Variants in ZFHX3 observed in about 807,000 individuals in gnomAD.
The protein encoded by ZFHX3 is zinc finger homeobox protein 3.
Under a neutral mutation model 279.1 loss-of-function variants are expected in ZFHX3, and 42 were observed. The ratio of observed to expected loss-of-function variants is 0.15; its 90% CI spans 0.12 to 0.19. The LOEUF (loss-of-function observed/expected upper bound fraction) is 0.19, where lower values mean the gene tolerates loss of function less well. Among genes scored for constraint, ZFHX3 ranks in the 10% least tolerant of loss-of-function variants. The probability of loss-of-function intolerance (pLI) is 1.00; values close to 1 mark genes in which losing one functional copy is unlikely to be tolerated. For missense variants in ZFHX3, 4,981 were observed against 4,754.0 expected (o/e 1.05, Z -1.40); for synonymous variants, 2,293 against 1,957.8 (o/e 1.17, Z -4.52).
At chr16:73,704,959 G>T (rs2142220367) in intron 1 of ZFHX3, among the ~76,000 whole-genome samples, 1 of 152,276 alleles carries the variant, frequency 6.6e-6, no homozygotes. Flanking sequence ...TGTAGCATTT[G>T]CCAATGACCA....
intron 4 of ZFHX3, among the ~76,000 whole-genome samples, chr16:73,298,493 TGTC>T (rs2014976675): frequency 6.7e-6 from 1 of 150,320 alleles, no homozygotes; most frequent in Non-Finnish European, 1.5e-5. Context: ...CTATTTATGT[TGTC>T]GTCGTTTTTT....
chr16:73,706,991 G>C (rs1288016229), intron 1 of ZFHX3, among the ~76,000 whole-genome samples: 1 of 152,106 alleles, frequency 6.6e-6, no homozygotes, highest in Non-Finnish European at 1.5e-5. Flanking sequence ...TCAATGTTTT[G>C]TGTTTTTAAA....
chr16:73,875,361 G>A (rs955719023), intron 1 of ZFHX3, among the ~76,000 whole-genome samples: 2 of 152,130 alleles, frequency 1.3e-5, no homozygotes, highest in Non-Finnish European at 2.9e-5. Context: ...CACGTAAGGT[G>A]CAAACACAGT....
chr16:73,453,127 G>A (rs1567488698), intron 3 of ZFHX3, among the ~76,000 whole-genome samples: 1 of 143,302 alleles, frequency 7.0e-6, no homozygotes, highest in Non-Finnish European at 1.5e-5. Context: ...GTTACTTATC[G>A]CTGTAACTGG....
rs907332248 is a variant in ZFHX3, at chr16:73,186,805, A to C, written c.-1103-42974T>G. ...CAAGCCTTTATTATGTAGGTATTAA[A>C]TTTGACCTCAGAGGTCATCACTCTT... is the stretch of plus-strand genomic sequence containing the variant. On this transcript the variant is annotated intron_variant, in intron 5 of 17. Coordinates refer to the ZFHX3 transcript ENST00000641206. Among the ~76,000 whole-genome samples the C allele has an allele frequency of 5.9e-5, 9 of 152,310 alleles. No homozygotes were observed. The East Asian group carries it at 1.5e-3, about 26-fold the overall frequency.
At chr16:73,879,393 T>C (rs563452516) in intron 1 of ZFHX3, among the ~76,000 whole-genome samples, 115 of 152,130 alleles carry the variant, frequency 7.6e-4, no homozygotes, top group African/African-American at 2.5e-3. Context: ...AGGTCCCTTT[T>C]AAGAATAAGA....
At chr16:73,375,363 T>C (rs2016704839) in intron 3 of ZFHX3, among the ~76,000 whole-genome samples, 1 of 152,184 alleles carries the variant, frequency 6.6e-6, no homozygotes, top group African/African-American at 2.4e-5. Context: ...TATGTTTCCT[T>C]CCTGAGATTT....
chr16:73,590,673 T>A (rs1265927252), intron 2 of ZFHX3, among the ~76,000 whole-genome samples: 1 of 152,240 alleles, frequency 6.6e-6, no homozygotes, highest in Non-Finnish European at 1.5e-5. Flanking sequence ...CATACAAATT[T>A]TACCTGTAAC....
intron 1 of ZFHX3, among the ~76,000 whole-genome samples, chr16:73,787,814 A>T (rs1016003605): frequency 7.2e-6 from 1 of 137,972 alleles, no homozygotes; most frequent in Non-Finnish European, 1.5e-5. Context: ...GTTTTCTTAA[A>T]GTGTGTGTGT....
intron 4 of ZFHX3, among the ~76,000 whole-genome samples, chr16:73,293,079 C>T (rs2143104850): frequency 6.6e-6 from 1 of 152,258 alleles, no homozygotes; most frequent in African/African-American, 2.4e-5. Flanking sequence ...GTAGAACCAC[C>T]TTCAAACCCG....
chr16:73,706,045 C>T (rs558427259), intron 1 of ZFHX3, among the ~76,000 whole-genome samples: 2 of 152,296 alleles, frequency 1.3e-5, no homozygotes, highest in Admixed American at 6.5e-5. Context: ...TGACTCACAC[C>T]TGTAATCCCA....
chr16:73,097,352 G>A (rs1966178485), intron 7 of ZFHX3, among the ~76,000 whole-genome samples: 1 of 151,120 alleles, frequency 6.6e-6, no homozygotes, highest in Non-Finnish European at 1.5e-5. Flanking sequence ...ACAGGCATGA[G>A]CTGCTGAGCC....
rs181524439 is a variant in ZFHX3, at chr16:73,719,228, G to A, written c.-1607-38988C>T. Among the ~76,000 whole-genome samples, 9 of 152,272 alleles carry A rather than the reference G, an allele frequency of 5.9e-5. No individual in the cohort carries two copies. In the East Asian group the frequency reaches 1.7e-3, roughly 29 times the overall value. ...GCACTTATCATCTATCCCACCCAGA[G>A]GAAGGTGAACCATAGTAAGAATCTA... On this transcript the variant is annotated intron_variant, in intron 1 of 17. Coordinates refer to the ZFHX3 transcript ENST00000641206.
At chr16:73,888,409 A>T (rs2030420580) in intron 1 of ZFHX3, among the ~76,000 whole-genome samples, 1 of 152,238 alleles carries the variant, frequency 6.6e-6, no homozygotes, top group African/African-American at 2.4e-5. Context: ...ATGAGAGACA[A>T]AGATGATTTG....
At chr16:73,697,696 CTTTA>C (rs2053210412) in intron 1 of ZFHX3, among the ~76,000 whole-genome samples, 1 of 152,048 alleles carries the variant, frequency 6.6e-6, no homozygotes, top group South Asian at 2.1e-4. Flanking sequence ...AATATTTCTG[CTTTA>C]TTTGTCTACC....
chr16:73,504,185 C>G (rs1002692186), intron 2 of ZFHX3: 1 of 152,180 alleles, frequency 6.6e-6, no homozygotes, highest in Non-Finnish European at 1.5e-5. Flanking sequence ...ATCCCACTCC[C>G]CAGCTTTGGA....
At chr16:73,657,497 C>T (rs34690772) in intron 2 of ZFHX3, among the ~76,000 whole-genome samples, 13,808 of 152,076 alleles carry the variant, frequency 0.091, 683 homozygotes, top group African/African-American at 0.13. Flanking sequence ...ATTGGATTTT[C>T]GTGTACTCTC....
chr16:73,245,432 G>A (rs941904012), intron 5 of ZFHX3, among the ~76,000 whole-genome samples: 7 of 152,092 alleles, frequency 4.6e-5, no homozygotes, highest in African/African-American at 7.2e-5. Flanking sequence ...ACTGCATGGG[G>A]CCCACATTCC....
At chr16:73,113,313 C>T (rs1966399247) in intron 7 of ZFHX3, among the ~76,000 whole-genome samples, 1 of 152,146 alleles carries the variant, frequency 6.6e-6, no homozygotes, top group East Asian at 1.9e-4. Context: ...TCACCACGTC[C>T]CAGAGGTCAA....
Sources: gnomAD v4.1 joint callset for allele counts (sites outside exome capture counted in the v4.1 genomes callset) on GRCh38, gnomAD v4.1.1 for gene constraint, MANE v1.5 for transcripts, NCBI Gene and HGNC (gene_info 2026-07-23, HGNC 2026-07-21) for gene names.